The following SCN1A variants were observed in gnomAD, a reference collection of about 807,000 sequenced individuals.
The protein encoded by SCN1A is sodium channel protein type 1 subunit alpha.
SCN1A carries 13 observed loss-of-function variants against 193.7 expected under a neutral mutation model. The observed-to-expected ratio is 0.07, with a 90% CI of 0.04 to 0.11. The LOEUF (loss-of-function observed/expected upper bound fraction) is 0.11, where lower values mean the gene tolerates loss of function less well. Ranked by LOEUF, SCN1A falls within the 10% of genes least tolerant of loss-of-function variation. The probability of loss-of-function intolerance (pLI) is 1.00; values close to 1 mark genes in which losing one functional copy is unlikely to be tolerated. For synonymous variants in SCN1A, 781 were observed against 843.6 expected (o/e 0.93, Z 1.29); for missense variants, 1,432 against 2,451.1 (o/e 0.58, Z 8.78).
At chr2:165,999,664 G>T in intron 25 of SCN1A, 59 bp downstream of exon 25, 1 of 1,208,012 alleles carries the variant, frequency 8.3e-7, no homozygotes, top group Non-Finnish European at 1.2e-6. Context: ...TGCTTTATTC[G>T]ATTAATTTTA....
intron 1 of SCN1A, among the ~76,000 whole-genome samples, chr2:166,143,167 ATTT>A (rs66499233): frequency 7.9e-6 from 1 of 126,178 alleles, no homozygotes; most frequent in African/African-American, 3.1e-5. Flanking sequence ...AGAACTCAGC[ATTT>A]TTTTTTTTTT....
At chr2:166,021,546 T>C (rs1181439192) in intron 19 of SCN1A, among the ~76,000 whole-genome samples, 1 of 151,984 alleles carries the variant, frequency 6.6e-6, no homozygotes, top group Non-Finnish European at 1.5e-5. Context: ...TTAAAATAAA[T>C]AAAAACATTA....
intron 4 of SCN1A, among the ~76,000 whole-genome samples, chr2:166,062,995 C>T (rs1390045588): frequency 2.6e-5 from 4 of 151,888 alleles, no homozygotes; most frequent in African/African-American, 9.7e-5. Context: ...CAAAACAAAC[C>T]CCTTTTTACC....
At chr2:166,040,777 A>G (rs535067751) in intron 16 of SCN1A, among the ~76,000 whole-genome samples, 1 of 152,364 alleles carries the variant, frequency 6.6e-6, no homozygotes, top group South Asian at 2.1e-4. Flanking sequence ...GAATAGATGG[A>G]TAAACAATAC....
chr2:166,096,917 A>G (rs1687445628), intron 2 of SCN1A, among the ~76,000 whole-genome samples: 1 of 152,232 alleles, frequency 6.6e-6, no homozygotes, highest in East Asian at 1.9e-4. Context: ...GCCCTTTCAT[A>G]AAGTTTACCA....
intron 19 of SCN1A, among the ~76,000 whole-genome samples, chr2:166,017,305 T>A (rs1693435397): frequency 6.6e-6 from 1 of 152,008 alleles, no homozygotes; most frequent in Non-Finnish European, 1.5e-5. Context: ...TTTGACTATC[T>A]TTGTGTTCTG....
intron 23 of SCN1A, among the ~76,000 whole-genome samples, chr2:166,005,450 A>T (rs1691528379): frequency 6.6e-6 from 1 of 151,402 alleles, no homozygotes; most frequent in Non-Finnish European, 1.5e-5. Flanking sequence ...AACTCTATGG[A>T]ATTTATGACG....
chr2:166,088,864 A>T (rs2106067517), intron 2 of SCN1A, among the ~76,000 whole-genome samples: 1 of 152,328 alleles, frequency 6.6e-6, no homozygotes, highest in South Asian at 2.1e-4. Flanking sequence ...GGAAGTAGGG[A>T]GACCCAAGGT....
At position 165,991,705 on chromosome 2, in the gene SCN1A, A is replaced by T; in HGVS notation, c.5570T>A (p.Val1857Glu). 3 of 1,613,930 alleles carry T rather than the reference A, an allele frequency of 1.9e-6. No homozygotes were observed. Among genetic ancestry groups the T allele is most frequent in the South Asian group, 2.2e-5 (2 of 91,080 alleles). ...LQLIAMDLPM[V>E]SGDRIHCLDI... Reference sequence around the variant, plus strand: ...AAGACAGTGGATCCGGTCACCACTCACCATGGGCAAATCCATGGCAATGAG... The same window carrying T: ...AAGACAGTGGATCCGGTCACCACTCTCCATGGGCAAATCCATGGCAATGAG... The change falls in exon 29 of 29, where the codon GTG becomes GAG. Residue 1857 changes from valine (V) to glutamate (E), a missense_variant. Around this residue, in one of 18 missense-constraint regions of SCN1A, gnomAD observed 59 missense variants for 110.6 expected, o/e 0.53. Coordinates refer to ENST00000674923, the MANE Select transcript of SCN1A (RefSeq NM_001165963.4).
At chr2:166,087,195 G>A (rs895665284) in intron 2 of SCN1A, among the ~76,000 whole-genome samples, 9 of 149,822 alleles carry the variant, frequency 6.0e-5, no homozygotes, top group Admixed American at 1.3e-4. Context: ...AGCCTGGCAC[G>A]GTGGCTCACA....
intron 2 of SCN1A, among the ~76,000 whole-genome samples, chr2:166,091,931 G>A (rs1434133418): frequency 6.6e-6 from 1 of 152,088 alleles, no homozygotes; most frequent in Non-Finnish European, 1.5e-5. Context: ...TCAGTGCACG[G>A]GCTATAGGAA....
At chr2:166,050,259 G>C (rs1019607457) in intron 9 of SCN1A, among the ~76,000 whole-genome samples, 4 of 151,686 alleles carry the variant, frequency 2.6e-5, no homozygotes, top group African/African-American at 9.7e-5. Flanking sequence ...TAATTTTTCA[G>C]TTATAATAGT....
rs1003203278 is a variant in SCN1A, at chr2:166,025,923, T to C, written c.3429+10125A>G. 2.6e-5 allele frequency among the ~76,000 whole-genome samples: 4 copies of C among 152,202 alleles called. No homozygotes were observed. In the East Asian group the frequency reaches 5.8e-4, roughly 22 times the overall value. ...TGCTTTTATTTTTGAAATAGCTATT[T>C]TGGTATTTTATTATGCTTTTATTCA... On this transcript the variant is annotated intron_variant, in intron 19 of 28. Coordinates refer to ENST00000674923, the MANE Select transcript of SCN1A (RefSeq NM_001165963.4).
intron 2 of SCN1A, among the ~76,000 whole-genome samples, chr2:166,084,014 G>A (rs1685814924): frequency 6.6e-6 from 1 of 152,100 alleles, no homozygotes; most frequent in African/African-American, 2.4e-5. Flanking sequence ...CCAAGTGTGA[G>A]GTGATAGGCA....
At chr2:166,003,104 T>C (rs912956513) in intron 23 of SCN1A, among the ~76,000 whole-genome samples, 2 of 151,430 alleles carry the variant, frequency 1.3e-5, no homozygotes, top group Non-Finnish European at 3.0e-5. Context: ...AAAAAGCCTA[T>C]ACAGAAGTTT....
At chr2:166,070,859 C>A (rs946916021) in intron 4 of SCN1A, among the ~76,000 whole-genome samples, 2 of 152,110 alleles carry the variant, frequency 1.3e-5, no homozygotes, top group South Asian at 2.1e-4. Flanking sequence ...TCAAAACATT[C>A]ATTTATTATT....
intron 1 of SCN1A, 91 bp downstream of exon 1, chr2:166,127,680 T>C (rs1691406926): frequency 6.6e-6 from 1 of 152,252 alleles, no homozygotes; most frequent in Non-Finnish European, 1.5e-5. Context: ...CTTCCTGCTC[T>C]GCCCAAACTG....
upstream of SCN1A, among the ~76,000 whole-genome samples, chr2:166,130,406 C>G (rs1691610417): frequency 6.6e-6 from 1 of 152,186 alleles, no homozygotes; most frequent in Non-Finnish European, 1.5e-5. Flanking sequence ...TGGAAAGGCA[C>G]AACGCATTCA....
chr2:166,048,086 A>C (rs1172539178), intron 10 of SCN1A, among the ~76,000 whole-genome samples: 1 of 146,410 alleles, frequency 6.8e-6, no homozygotes, highest in Non-Finnish European at 1.5e-5. Flanking sequence ...CTTATCTAAA[A>C]GAACAACATT....
Sources: allele counts gnomAD v4.1 joint callset (sites outside exome capture counted in the v4.1 genomes callset), GRCh38; gene constraint gnomAD v4.1.1; regional missense constraint gnomAD v4.1.1; transcripts MANE v1.5; gene names NCBI Gene and HGNC (gene_info 2026-07-23, HGNC 2026-07-21).